Variants in B3GALT1 observed in about 807,000 individuals in gnomAD.
The protein encoded by B3GALT1 is UDP-Gal:betaGlcNAc beta 1,3-galactosyltransferase, polypeptide 1.
Under a neutral mutation model 23.2 loss-of-function variants are expected in B3GALT1, and 10 were observed. The ratio of observed to expected loss-of-function variants is 0.43; its 90% CI spans 0.27 to 0.73. The LOEUF is 0.73. Ranked by LOEUF, B3GALT1 falls within the 30% of genes least tolerant of loss-of-function variation. B3GALT1 has a pLI of 0.21. For missense variants in B3GALT1, 299 were observed against 405.4 expected (o/e 0.74, Z 2.25); for synonymous variants, 156 against 141.5 (o/e 1.10, Z -0.73).
At chr2:167,661,026 T>C (rs1159653688) in intron 3 of B3GALT1, among the ~76,000 whole-genome samples, 1 of 152,108 alleles carries the variant, frequency 6.6e-6, no homozygotes, top group Middle Eastern at 3.2e-3. Context: ...TTTGATCAAC[T>C]GGAATGAAAA....
At chr2:167,482,090 C>A (rs1051952303) in intron 1 of B3GALT1, among the ~76,000 whole-genome samples, 3 of 152,068 alleles carry the variant, frequency 2.0e-5, no homozygotes, top group Non-Finnish European at 4.4e-5. Context: ...TAAGTTTAAA[C>A]AGCACAAATT....
intron 1 of B3GALT1, among the ~76,000 whole-genome samples, chr2:167,341,898 A>G (rs1290396932): frequency 6.6e-6 from 1 of 152,232 alleles, no homozygotes; most frequent in East Asian, 1.9e-4. Context: ...AAGCATTCTG[A>G]TAATTACCAA....
Position 167,656,272 on chromosome 2 carries a change from G to C in B3GALT1, c.-352+9306G>C, listed in dbSNP as rs115313110. On this transcript the variant is annotated intron_variant, in intron 3 of 4. Transcript: ENST00000392690. ...AGAGCTCAGTTTCACTTCTGAGAAA[G>C]TAATCATTCTTGGGTCTTCCTTATG... 9.7e-3 allele frequency among the ~76,000 whole-genome samples: 1,483 copies of C among 152,230 alleles called. 30 individuals are homozygous for C. Among genetic ancestry groups the C allele is most frequent in the African/African-American group, 0.034 (1,399 of 41,536 alleles).
At chr2:167,768,110 A>C (rs1688008341) in intron 3 of B3GALT1, among the ~76,000 whole-genome samples, 1 of 152,176 alleles carries the variant, frequency 6.6e-6, no homozygotes, top group East Asian at 1.9e-4. Context: ...CATCTGCTTT[A>C]CTCAGTCCAC....
At chr2:167,823,725 G>A (rs768170563) in intron 4 of B3GALT1, among the ~76,000 whole-genome samples, 30 of 152,174 alleles carry the variant, frequency 2.0e-4, no homozygotes, top group Non-Finnish European at 4.0e-4. Context: ...CAAGTACACA[G>A]GCCAGTGGGG....
intron 3 of B3GALT1, among the ~76,000 whole-genome samples, chr2:167,651,797 A>G (rs929956808): frequency 6.6e-6 from 1 of 152,158 alleles, no homozygotes; most frequent in South Asian, 2.1e-4. Flanking sequence ...GAAGTTAAAT[A>G]GTAATTCAGC....
At position 167,872,566 on chromosome 2, in the gene B3GALT1, C is replaced by G. The variant is rs907590926; in HGVS notation, c.*2546C>G. ...CGAGTTGTGCAGCTGAATCAAGCCT[C>G]TGTCTCATACTATTGCCTTGCATCT... is the stretch of plus-strand genomic sequence containing the variant. On this transcript the variant is annotated 3_prime_UTR_variant, in exon 5 of 5. Transcript: ENST00000392690. 6.6e-6 allele frequency: 1 copy of G among 152,344 alleles called. No individual in the cohort carries two copies. The highest frequency in any genetic ancestry group is 2.1e-4 in the South Asian group (1 of 4,820). The allele number at this position is 152,344 out of a possible 1,614,324, so 9.4% of individuals were successfully genotyped here. A position where few individuals can be genotyped will look rare whatever the true frequency, so the allele number is the denominator to read the frequency against.
At chr2:167,826,196 AG>A (rs1689221220) in intron 4 of B3GALT1, among the ~76,000 whole-genome samples, 2 of 152,292 alleles carry the variant, frequency 1.3e-5, no homozygotes, top group South Asian at 4.2e-4. Context: ...GGAATGGGTC[AG>A]GTCACTTGAC....
intron 3 of B3GALT1, among the ~76,000 whole-genome samples, chr2:167,782,849 G>A (rs1332833987): frequency 1.3e-5 from 2 of 152,080 alleles, no homozygotes; most frequent in Admixed American, 1.3e-4. Context: ...TGTTTATAAG[G>A]TCATGAAATT....
At chr2:167,384,244 A>G (rs918679274) in intron 1 of B3GALT1, among the ~76,000 whole-genome samples, 1 of 152,182 alleles carries the variant, frequency 6.6e-6, no homozygotes, top group Non-Finnish European at 1.5e-5. Flanking sequence ...GGTGCTGTCT[A>G]ATTATCTTTT....
chr2:167,377,959 G>A (rs552988423), intron 1 of B3GALT1, among the ~76,000 whole-genome samples: 1 of 152,208 alleles, frequency 6.6e-6, no homozygotes, highest in Non-Finnish European at 1.5e-5. Flanking sequence ...AACAGGTATT[G>A]TTCTTTGGTT....
At chr2:167,785,867 G>A (rs1688334778) in intron 3 of B3GALT1, among the ~76,000 whole-genome samples, 1 of 152,180 alleles carries the variant, frequency 6.6e-6, no homozygotes, top group Admixed American at 6.5e-5. Context: ...TGAAGTCAAA[G>A]CCCTCTGTTG....
chr2:167,522,127 AT>A (rs968250391), intron 2 of B3GALT1, among the ~76,000 whole-genome samples: 1 of 151,448 alleles, frequency 6.6e-6, no homozygotes, highest in Non-Finnish European at 1.5e-5. Flanking sequence ...ATAGATTGTA[AT>A]GTGACCTCTG....
intron 4 of B3GALT1, among the ~76,000 whole-genome samples, chr2:167,822,904 CA>C (rs1489546136): frequency 6.6e-6 from 1 of 152,236 alleles, no homozygotes; most frequent in Admixed American, 6.5e-5. Context: ...ATGATTCAAT[CA>C]GATGTGTTTT....
intron 3 of B3GALT1, among the ~76,000 whole-genome samples, chr2:167,816,509 C>A (rs1688994423): frequency 6.6e-6 from 1 of 151,762 alleles, no homozygotes; most frequent in Non-Finnish European, 1.5e-5. Context: ...TATAATAATA[C>A]CTAGGATAGG....
intron 3 of B3GALT1, among the ~76,000 whole-genome samples, chr2:167,658,805 G>A (rs1425630445): frequency 6.6e-6 from 1 of 152,042 alleles, no homozygotes; most frequent in Admixed American, 6.6e-5. Context: ...ACATATAGGA[G>A]TGACATATAG....
intron 3 of B3GALT1, among the ~76,000 whole-genome samples, chr2:167,676,715 C>T (rs958363281): frequency 2.0e-5 from 3 of 152,100 alleles, no homozygotes; most frequent in African/African-American, 7.2e-5. Context: ...GCGCCCACCA[C>T]CAGTAGAGAC....
intron 1 of B3GALT1, among the ~76,000 whole-genome samples, chr2:167,383,256 C>G (rs1019405040): frequency 1.7e-4 from 26 of 149,912 alleles, no homozygotes; most frequent in African/African-American, 6.4e-4. Flanking sequence ...CACCAGAGAA[C>G]AGGGGTAATA....
chr2:167,695,475 C>T (rs1686778387), intron 3 of B3GALT1, among the ~76,000 whole-genome samples: 2 of 152,136 alleles, frequency 1.3e-5, no homozygotes, highest in Admixed American at 1.3e-4. Context: ...TCTTCAGTTG[C>T]TCTTGTTTAC....
Sources: allele counts gnomAD v4.1 joint callset (sites outside exome capture counted in the v4.1 genomes callset), GRCh38; gene constraint gnomAD v4.1.1; transcripts MANE v1.5; gene names NCBI Gene and HGNC (gene_info 2026-07-23, HGNC 2026-07-21).